Variants in ARHGAP6 observed in about 807,000 individuals in gnomAD.
The protein encoded by ARHGAP6 is rho GTPase-activating protein 6.
ARHGAP6 carries 16 observed loss-of-function variants against 55.7 expected under a neutral mutation model. The observed-to-expected ratio is 0.29, with a 90% CI of 0.19 to 0.44. The LOEUF is 0.44. Among genes scored for constraint, ARHGAP6 ranks in the 20% least tolerant of loss-of-function variants. ARHGAP6 has a pLI of 1.00. For synonymous variants in ARHGAP6, 382 were observed against 360.9 expected (o/e 1.06, Z -0.66); for missense variants, 698 against 808.9 (o/e 0.86, Z 1.66).
chrX:11,516,721 A>G (rs1392616042), intron 1 of ARHGAP6, among the ~76,000 whole-genome samples: 1 of 111,921 alleles, frequency 8.9e-6, no homozygotes, highest in Non-Finnish European at 1.9e-5. Flanking sequence ...TTTGAAACAT[A>G]TTTTGTATGT....
chrX:11,498,615 C>A, intron 1 of ARHGAP6, among the ~76,000 whole-genome samples: 1 of 111,560 alleles, frequency 9.0e-6, no homozygotes, highest in Admixed American at 9.5e-5. Flanking sequence ...AGATCTTAGG[C>A]TACTCATTTC....
chrX:11,325,359 A>G lies in ARHGAP6; in HGVS notation c.589-70652T>C, dbSNP rs190157491. Among the ~76,000 whole-genome samples the G allele has an allele frequency of 3.0e-3, 335 of 112,468 alleles. 1 individual carries two copies. The highest frequency in any genetic ancestry group is 4.2e-3 in the Non-Finnish European group (223 of 53,307). Reference sequence around the variant, plus strand: ...GAAATGTGGGAAATTTTTAAGAATAATAAGCATATCAAGTGGGTGCAACAT... The same window carrying G: ...GAAATGTGGGAAATTTTTAAGAATAGTAAGCATATCAAGTGGGTGCAACAT... On this transcript the variant is annotated intron_variant, in intron 1 of 12. Coordinates refer to ENST00000337414, the MANE Select transcript of ARHGAP6 (RefSeq NM_013427.3).
intron 1 of ARHGAP6, among the ~76,000 whole-genome samples, chrX:11,548,630 T>C: frequency 9.0e-6 from 1 of 111,354 alleles, no homozygotes; most frequent in Non-Finnish European, 1.9e-5. Context: ...TTTTTTTTTT[T>C]ATTGAGATAG....
In ARHGAP6 at chrX:11,665,508, G is replaced by A. The variant is rs758880780; in HGVS notation, c.-680C>T. 3.5e-5 allele frequency: 4 copies of A among 113,684 alleles called. No individual in the cohort carries two copies. Among genetic ancestry groups the A allele is most frequent in the African/African-American group, 1.3e-4 (4 of 31,397 alleles). 9.4% of individuals were successfully genotyped at this position (113,684 alleles called of 1,213,427 possible). ...GTTGTTCCAAGCTCAAGGTTCCCGC[G>A]GGGTCTCTGTCTTGCTGCAGTGTGG... On this transcript the variant is annotated 5_prime_UTR_variant, in exon 1 of 13. Coordinates refer to ENST00000337414, the MANE Select transcript of ARHGAP6 (RefSeq NM_013427.3).
chrX:11,548,103 G>A (rs2051229578), intron 1 of ARHGAP6, among the ~76,000 whole-genome samples: 1 of 111,580 alleles, frequency 9.0e-6, no homozygotes, highest in South Asian at 3.7e-4. Context: ...GACATAGCTT[G>A]TGCAGCAGAA....
chrX:11,395,346 G>A (rs1249751886), intron 1 of ARHGAP6, among the ~76,000 whole-genome samples: 2 of 112,324 alleles, frequency 1.8e-5, no homozygotes, highest in Admixed American at 1.9e-4. Flanking sequence ...TGCAAAGACA[G>A]CAACATCTAA....
At chrX:11,276,015 C>G (rs1386245277) in intron 1 of ARHGAP6, among the ~76,000 whole-genome samples, 1 of 111,723 alleles carries the variant, frequency 9.0e-6, no homozygotes. Context: ...GGAAATTCAC[C>G]TTATGTTTGT....
intron 1 of ARHGAP6, among the ~76,000 whole-genome samples, chrX:11,639,889 C>A (rs888301918): frequency 1.8e-5 from 2 of 111,097 alleles, no homozygotes; most frequent in Non-Finnish European, 3.8e-5. Flanking sequence ...AAAAGTAGAT[C>A]AGAACCATAC....
intron 2 of ARHGAP6, among the ~76,000 whole-genome samples, chrX:11,224,662 A>G (rs1208749826): frequency 1.1e-4 from 12 of 107,190 alleles, no homozygotes; most frequent in African/African-American, 3.1e-4. Flanking sequence ...ATGTTGGTGG[A>G]GGGGGGGCGG....
intron 1 of ARHGAP6, among the ~76,000 whole-genome samples, chrX:11,646,502 T>C (rs1476195875): frequency 1.8e-5 from 2 of 111,869 alleles, no homozygotes; most frequent in East Asian, 5.6e-4. Context: ...AAAATGGTTA[T>C]CACAGAAGAA....
intron 2 of ARHGAP6, among the ~76,000 whole-genome samples, chrX:11,211,605 G>A (rs781420873): frequency 2.1e-4 from 23 of 109,102 alleles, no homozygotes; most frequent in Non-Finnish European, 1.9e-4. Flanking sequence ...GTGCAGTGGC[G>A]CAATCTCAGC....
intron 1 of ARHGAP6, among the ~76,000 whole-genome samples, chrX:11,618,095 C>A (rs1461806827): frequency 9.0e-6 from 1 of 111,524 alleles, no homozygotes; most frequent in East Asian, 2.8e-4. Flanking sequence ...AGTTATACTG[C>A]TGGCTTTGAA....
At chrX:11,347,582 T>C (rs1046600165) in intron 1 of ARHGAP6, among the ~76,000 whole-genome samples, 4 of 112,310 alleles carry the variant, frequency 3.6e-5, no homozygotes, top group Admixed American at 1.9e-4. Context: ...TCTAACCTCA[T>C]GTTTCCTCAG....
rs1281353162 is a variant in ARHGAP6 at position 11,492,266 on chromosome X, T to C, written c.588+171975A>G. 3.6e-5 allele frequency among the ~76,000 whole-genome samples: 4 copies of C among 111,282 alleles called. No homozygotes were observed. The East Asian group carries it at 8.5e-4, about 24-fold the overall frequency. ...TTTGTTGCCATTGCTTTTGGTGTTTTAGACATGAAGTCCTTGCCCATGCCT... is the reference window on the plus strand; with the variant it reads ...TTTGTTGCCATTGCTTTTGGTGTTTCAGACATGAAGTCCTTGCCCATGCCT... On this transcript the variant is annotated intron_variant, in intron 1 of 12. Coordinates refer to ENST00000337414, the MANE Select transcript of ARHGAP6 (RefSeq NM_013427.3).
At chrX:11,519,189 A>C (rs1240541153) in intron 1 of ARHGAP6, among the ~76,000 whole-genome samples, 16 of 92,543 alleles carry the variant, frequency 1.7e-4, no homozygotes, top group South Asian at 5.2e-4. Flanking sequence ...TTCTAGTTCT[A>C]GATCCCTGAG....
chrX:11,545,353 T>A, intron 1 of ARHGAP6, among the ~76,000 whole-genome samples: 1 of 112,642 alleles, frequency 8.9e-6, no homozygotes. Context: ...GTACTTTCAA[T>A]AACCTTGAAA....
At position 11,215,176 on chromosome X, in the gene ARHGAP6, G is replaced by A. The variant is rs1019308922; in HGVS notation, c.749-18180C>T. The stretch of plus-strand genomic sequence containing the variant: ...GCAGGACAGGACACTTGGGGTCACC[G>A]GAGGTCCCCTGGGCATCCAGGCGGG... On this transcript the variant is annotated intron_variant, in intron 2 of 12. Transcript: ENST00000337414. Among the ~76,000 whole-genome samples the A allele has an allele frequency of 2.7e-5, 3 of 112,814 alleles. No individual in the cohort carries two copies. The Admixed American group carries it at 2.8e-4, about 10-fold the overall frequency.
At chrX:11,624,792 C>T (rs773650971) in intron 1 of ARHGAP6, among the ~76,000 whole-genome samples, 25 of 111,500 alleles carry the variant, frequency 2.2e-4, no homozygotes, top group African/African-American at 8.1e-4. Flanking sequence ...ACCTCGTGAT[C>T]CACCCGCCTC....
At chrX:11,387,672 T>G (rs2049346498) in intron 1 of ARHGAP6, among the ~76,000 whole-genome samples, 1 of 111,394 alleles carries the variant, frequency 9.0e-6, no homozygotes, top group African/African-American at 3.3e-5. Flanking sequence ...CATTTAACAT[T>G]AGGTATATCT....
Sources: allele counts gnomAD v4.1 joint callset (sites outside exome capture counted in the v4.1 genomes callset), GRCh38; gene constraint gnomAD v4.1.1; transcripts MANE v1.5; gene names NCBI Gene and HGNC (gene_info 2026-07-23, HGNC 2026-07-21).